The following NOSTRIN variants were observed in gnomAD, a reference collection of about 807,000 sequenced individuals.
NOSTRIN encodes the protein BM247 homolog.
In NOSTRIN, 63 loss-of-function variants were observed where a neutral mutation model predicts 59.0. The ratio of observed to expected loss-of-function variants is 1.07; its 90% CI spans 0.87 to 1.32. The LOEUF (loss-of-function observed/expected upper bound fraction) is 1.32, where lower values mean the gene tolerates loss of function less well. Among genes scored for constraint, NOSTRIN ranks in the 40% most tolerant of loss-of-function variants. The pLI is 0.00. For synonymous variants in NOSTRIN, 200 were observed against 165.4 expected, an observed-to-expected ratio of 1.21 and a Z score of -1.61; for missense variants, 512 against 473.1, an observed-to-expected ratio of 1.08 and a Z score of -0.76.
intron 2 of NOSTRIN, among the ~76,000 whole-genome samples, chr2:168,812,558 C>G (rs1216588833): frequency 2.0e-5 from 3 of 152,112 alleles, no homozygotes; most frequent in African/African-American, 7.2e-5. Context: ...GGCCTTAGTT[C>G]AAAAGTATTT....
At chr2:168,800,236 G>A (rs767429044), upstream of NOSTRIN, among the ~76,000 whole-genome samples, 4 of 152,192 alleles carry the variant, frequency 2.6e-5, no homozygotes, top group Non-Finnish European at 5.9e-5. Context: ...GAGGTCAGGG[G>A]ACACCTGAAG....
At chr2:168,854,444 T>C (rs1464666136) in intron 10 of NOSTRIN, among the ~76,000 whole-genome samples, 8 of 152,174 alleles carry the variant, frequency 5.3e-5, no homozygotes, top group Admixed American at 5.2e-4. Flanking sequence ...AGCAACCTCC[T>C]CACTCCAACT....
At chr2:168,837,203 G>A (rs1013895719) in intron 7 of NOSTRIN, among the ~76,000 whole-genome samples, 1 of 150,634 alleles carries the variant, frequency 6.6e-6, no homozygotes, top group Non-Finnish European at 1.5e-5. Flanking sequence ...AAAGTTACAG[G>A]AACACTTATT....
At position 168,837,525 on chromosome 2, in the gene NOSTRIN, A is replaced by G. The variant is rs538313231; in HGVS notation, c.504+3200A>G. Among the ~76,000 whole-genome samples, 60 of 151,932 alleles carry G rather than the reference A, an allele frequency of 3.9e-4. 1 individual carries two copies. In the South Asian group the frequency reaches 4.0e-3, roughly 10 times the overall value. On this transcript the variant is annotated intron_variant, in intron 7 of 15. Transcript: ENST00000317647. ...GGGATTTCACCGAGTTAGCTAGGAT[A>G]GTCTCGATCTCCTGACTTCGTGATC...
At chr2:168,835,863 C>T (rs973284895) in intron 7 of NOSTRIN, among the ~76,000 whole-genome samples, 3 of 152,098 alleles carry the variant, frequency 2.0e-5, no homozygotes, top group African/African-American at 7.2e-5. Flanking sequence ...TATTGGGGTA[C>T]AGGAACAAAA....
chr2:168,829,847 G>T (rs1475339426), intron 5 of NOSTRIN, among the ~76,000 whole-genome samples: 1 of 152,116 alleles, frequency 6.6e-6, no homozygotes, highest in African/African-American at 2.4e-5. Context: ...GTGGTTAAGG[G>T]GGAGTTTCAA....
rs374523048 is a variant in NOSTRIN, at chr2:168,842,980, G to A, written c.505-12G>A. On this transcript the variant is annotated splice_polypyrimidine_tract_variant and intron_variant, in intron 7 of 15. Coordinates refer to ENST00000317647, the MANE Select transcript of NOSTRIN (RefSeq NM_001039724.4). The stretch of plus-strand genomic sequence containing the variant: ...GTGTTAGTAAATGTGTGACATTGAT[G>A]TTTTACATTAGCTCCTCAATAAACT... 2.3e-5 allele frequency: 20 copies of A among 869,512 alleles called. No individual in the cohort carries two copies. Among genetic ancestry groups the A allele is most frequent in the Non-Finnish European group, 3.4e-5 (17 of 500,510 alleles). The allele number at this position is 869,512 out of a possible 1,614,324, so 53.9% of individuals were successfully genotyped here. A position where few individuals can be genotyped will look rare whatever the true frequency, so the allele number is the denominator to read the frequency against.
chr2:168,848,423 G>A (rs896904983), intron 8 of NOSTRIN, among the ~76,000 whole-genome samples: 4 of 152,218 alleles, frequency 2.6e-5, no homozygotes, highest in Non-Finnish European at 5.9e-5. Flanking sequence ...TGGGGGCGTG[G>A]CTCCAGGCTT....
At chr2:168,802,752 TAAG>T in intron 1 of NOSTRIN, 79 bp downstream of exon 1, 1 of 831,654 alleles carries the variant, frequency 1.2e-6, no homozygotes, top group East Asian at 2.5e-5. Flanking sequence ...GATTTTAACT[TAAG>T]AAATTTGAGA....
In NOSTRIN at chr2:168,859,448, T is replaced by G. The variant is rs1430889412; in HGVS notation, c.1054-64T>G. 3.1e-6 allele frequency: 5 copies of G among 1,594,974 alleles called. No individual in the cohort carries two copies. The African/African-American group carries it at 6.7e-5, about 21-fold the overall frequency. ...TGTTATTTTGAAAGTTATTCTGATA[T>G]TCCTATCCAGTTGTGCCTCATTTAC... is the stretch of plus-strand genomic sequence containing the variant. On this transcript the variant is annotated intron_variant, in intron 12 of 15. Transcript: ENST00000317647.
rs1180954396 is a variant in NOSTRIN, at chr2:168,865,114, A to C, written c.*144A>C. ...CTGCATGTCACAGCACTTTGCATTC[A>C]TGATTATTAGCTTGAAACAGTCAGA... On this transcript the variant is annotated 3_prime_UTR_variant, in exon 16 of 16. Coordinates refer to ENST00000317647, the MANE Select transcript of NOSTRIN (RefSeq NM_001039724.4). 1.2e-6 allele frequency: 1 copy of C among 836,096 alleles called. No homozygotes were observed. Among genetic ancestry groups the C allele is most frequent in the East Asian group, 2.7e-5 (1 of 37,730 alleles). The allele number at this position is 836,096 out of a possible 1,614,324, so 51.8% of individuals were successfully genotyped here. A position where few individuals can be genotyped will look rare whatever the true frequency, so the allele number is the denominator to read the frequency against.
intron 7 of NOSTRIN, among the ~76,000 whole-genome samples, 186 bp downstream of exon 7, chr2:168,834,511 A>ACACACACACACACACGCG (rs1687593966): frequency 7.7e-6 from 1 of 129,394 alleles, no homozygotes; most frequent in Non-Finnish European, 1.7e-5. Context: ...GCGCGCGCAC[A>ACACACACACACACACGCG]CACACACACA....
chr2:168,795,832 C>T (rs1685464536), upstream of NOSTRIN, among the ~76,000 whole-genome samples: 1 of 152,170 alleles, frequency 6.6e-6, no homozygotes, highest in Non-Finnish European at 1.5e-5. Context: ...TGGCTATTAA[C>T]AATAACAGCA....
upstream of NOSTRIN, among the ~76,000 whole-genome samples, chr2:168,794,490 T>C (rs1685432434): frequency 6.6e-6 from 1 of 151,954 alleles, no homozygotes; most frequent in African/African-American, 2.4e-5. Flanking sequence ...TAGCTGGGAC[T>C]ACAGGTGCCC....
chr2:168,831,344 C>A, intron 5 of NOSTRIN, 128 bp from the exon 6 acceptor site: 1 of 616,550 alleles, frequency 1.6e-6, no homozygotes, highest in Non-Finnish European at 3.0e-6. Flanking sequence ...GAGCCTCCAC[C>A]TCCAAATACC....
intron 6 of NOSTRIN, 32 bp from the exon 7 acceptor site, chr2:168,834,195 T>C: frequency 1.2e-6 from 1 of 858,818 alleles, no homozygotes; most frequent in South Asian, 1.3e-5. Context: ...CCTCTGCTCC[T>C]TTTTTTCTTG....
Position 168,834,513 on chromosome 2 carries a change from A to ACACACGCGCG in NOSTRIN, c.504+193_504+194insGCGCGCACAC, listed in dbSNP as rs57302360. Among the ~76,000 whole-genome samples, 1,310 of 141,740 alleles carry ACACACGCGCG rather than the reference A, an allele frequency of 9.2e-3. 15 individuals are homozygous for ACACACGCGCG. The highest frequency in any genetic ancestry group is 0.024 in the East Asian group (93 of 3,884). 93.0% of individuals were successfully genotyped at this position (141,740 alleles called of 152,430 possible). On this transcript the variant is annotated intron_variant, in intron 7 of 15. Transcript: ENST00000317647. Reference sequence around the variant, plus strand: ...CGTGCGCGCGCGCGCGCGCGCACACACACACACACACACACACACACACAC... The same window carrying ACACACGCGCG: ...CGTGCGCGCGCGCGCGCGCGCACACACACACGCGCGCACACACACACACACACACACACAC...
intron 15 of NOSTRIN, chr2:168,863,737 A>C (rs1689643301): frequency 1.2e-6 from 1 of 837,916 alleles, no homozygotes; most frequent in Admixed American, 6.2e-5. Flanking sequence ...GATCTTAAGA[A>C]AAGACTGTTG....
upstream of NOSTRIN, chr2:168,801,117 C>A (rs1574251091): frequency 2.0e-5 from 3 of 152,082 alleles, 1 homozygote; most frequent in South Asian, 6.2e-4. Flanking sequence ...ATTGTTGTAA[C>A]CTCCAGTGAT....
Sources: allele counts gnomAD v4.1 joint callset (sites outside exome capture counted in the v4.1 genomes callset), GRCh38; gene constraint gnomAD v4.1.1; transcripts MANE v1.5; gene names NCBI Gene and HGNC (gene_info 2026-07-23, HGNC 2026-07-21).